Variants in SPHK2 observed in about 807,000 individuals in gnomAD.
The protein encoded by SPHK2 is sphingosine kinase 2.
Under a neutral mutation model 32.3 loss-of-function variants are expected in SPHK2, and 18 were observed. That is an observed-to-expected ratio of 0.56 (90% confidence interval 0.39 to 0.83). The LOEUF is 0.83. Ranked by LOEUF, SPHK2 falls within the 40% of genes least tolerant of loss-of-function variation. The pLI is 0.00. For missense variants in SPHK2, 850 were observed against 908.7 expected, an observed-to-expected ratio of 0.94 and a Z score of 0.83; for synonymous variants, 462 against 417.6, an observed-to-expected ratio of 1.11 and a Z score of -1.30.
At position 48,628,319 on chromosome 19, in the gene SPHK2, G is replaced by T. The variant is rs1174516535; in HGVS notation, c.872+42G>T. 5 of 1,539,324 alleles carry T rather than the reference G, an allele frequency of 3.2e-6. No individual in the cohort carries two copies. In the South Asian group the frequency reaches 5.6e-5, roughly 17 times the overall value. On this transcript the variant is annotated intron_variant, in intron 6 of 6. Transcript: ENST00000245222. This position sits in a 1 kb window ranked among gnomAD's most constrained non-coding sequence, Gnocchi z 5.2. Reference sequence around the variant, plus strand: ...ACGAAGGGAGGGATGAGCCCCTCCTGGGGTGATAGGGACCCCTATATCTCC... The same window carrying T: ...ACGAAGGGAGGGATGAGCCCCTCCTTGGGTGATAGGGACCCCTATATCTCC...
At position 48,629,365 on chromosome 19, in the gene SPHK2, G is replaced by A; in HGVS notation, c.1557G>A (p.Leu519=). 1 of 1,612,098 alleles carries A rather than the reference G, an allele frequency of 6.2e-7. No individual in the cohort carries two copies. The change falls in exon 7 of 7, where the codon CTG becomes CTA. Residue 519 remains leucine (L), a synonymous_variant. Coordinates refer to ENST00000245222, the MANE Select transcript of SPHK2 (RefSeq NM_020126.5). ...CCACCTGCGGCCCGCCCGACCACCTGCTGCCTCCGCTGGGCACCCCGCTGC... is the reference window on the plus strand; with the variant it reads ...CCACCTGCGGCCCGCCCGACCACCTACTGCCTCCGCTGGGCACCCCGCTGC... ...GASTCGPPDH[L]LPPLGTPLPP...
Position 48,629,330 on chromosome 19 carries a change from G to A in SPHK2, c.1522G>A (p.Val508Ile), listed in dbSNP as rs2030345008. 1.9e-6 allele frequency: 3 copies of A among 1,613,182 alleles called. No homozygotes were observed. Among genetic ancestry groups the A allele is most frequent in the South Asian group, 1.1e-5 (1 of 91,080 alleles). The change falls in exon 7 of 7, where the codon GTA (valine) becomes ATA (isoleucine). Residue 508 changes from valine (V) to isoleucine (I), a missense_variant. Val to Ile is a conservative substitution (Grantham distance 29, BLOSUM62 3). This residue lies in a region of SPHK2 where 306 missense variants were observed against 268.6 expected (regional missense o/e 1.14). Coordinates refer to ENST00000245222, the MANE Select transcript of SPHK2 (RefSeq NM_020126.5). The part of the protein sequence containing the change: ...GLPLPTPDAR[V>I]GASTCGPPDH... ...CCCACTTCCCACCCCTGATGCCCGG[G>A]TAGGGGCCTCCACCTGCGGCCCGCC...
Position 48,626,149 on chromosome 19 carries a change from T to A in SPHK2, c.298T>A (p.Cys100Ser). 2 of 1,601,260 alleles carry A rather than the reference T, an allele frequency of 1.2e-6. No homozygotes were observed. The highest frequency in any genetic ancestry group is 1.7e-6 in the Non-Finnish European group (2 of 1,173,860). Reference protein sequence around the residue: ...GLVPLAEVSGCCTLRSRSPSD... With the variant: ...GLVPLAEVSGSCTLRSRSPSD... ...GGTCCCGTTGGCCGAGGTCTCAGGC[T>A]GCTGCACCCTGCGAAGCCGCAGCCC... The change falls in exon 3 of 7, where the codon TGC (cysteine) becomes AGC (serine). Residue 100 changes from cysteine (C) to serine (S), a missense_variant. This residue lies in a region of SPHK2 where 544 missense variants were observed against 640.0 expected (regional missense o/e 0.85). Coordinates refer to ENST00000245222, the MANE Select transcript of SPHK2 (RefSeq NM_020126.5).
chr19:48,621,855 C>T (rs1386075872), intron 2 of SPHK2, among the ~76,000 whole-genome samples: 2 of 152,116 alleles, frequency 1.3e-5, no homozygotes, highest in African/African-American at 4.8e-5. Flanking sequence ...GTCTAGTGAC[C>T]TTGCAGCTGC....
At position 48,629,714 on chromosome 19, in the gene SPHK2, C is replaced by G. The variant is rs780912970; in HGVS notation, c.1906C>G (p.His636Asp). 6.2e-7 allele frequency: 1 copy of G among 1,609,270 alleles called. No homozygotes were observed. Among genetic ancestry groups the G allele is most frequent in the South Asian group, 1.1e-5 (1 of 90,572 alleles). ...GTATGGGCCGCTACAGGCACAGATG[C>G]ACCCTGGCATCGGTACACTGCTCAC... ...VEYGPLQAQM[H>D]PGIGTLLTGP... The change falls in exon 7 of 7, where the codon CAC becomes GAC. Residue 636 changes from histidine (H) to aspartate (D), a missense_variant. Coordinates refer to ENST00000245222, the MANE Select transcript of SPHK2 (RefSeq NM_020126.5).
In SPHK2 at chr19:48,629,899, G is replaced by T; in HGVS notation, c.*126G>T. ...GGGGCCCTGGCCCCGTCTCAGGATT[G>T]CGCTCGCTTTCATGGGACCAGACGT... On this transcript the variant is annotated 3_prime_UTR_variant, in exon 7 of 7. Coordinates refer to ENST00000245222, the MANE Select transcript of SPHK2 (RefSeq NM_020126.5). The T allele has an allele frequency of 6.9e-7, 1 of 1,440,780 alleles. No homozygotes were observed. Among genetic ancestry groups the T allele is most frequent in the African/African-American group, 1.4e-5 (1 of 69,878 alleles). 89.2% of individuals were successfully genotyped at this position (1,440,780 alleles called of 1,614,324 possible).
chr19:48,620,675 G>A (rs564521768), intron 2 of SPHK2, 122 bp downstream of exon 2: 32 of 859,964 alleles, frequency 3.7e-5, no homozygotes, highest in Non-Finnish European at 3.5e-6. Flanking sequence ...TGTAATCCCA[G>A]CACTCTGGGA....
intron 2 of SPHK2, chr19:48,620,796 C>T (rs1313862449): frequency 4.9e-6 from 2 of 408,880 alleles, no homozygotes; most frequent in South Asian, 2.8e-5. Context: ...TGGTGATGCG[C>T]ACCTGTAATC....
Position 48,629,436 on chromosome 19 carries a change from C to T in SPHK2, c.1628C>T (p.Ala543Val). The change falls in exon 7 of 7, where the codon GCC (alanine) becomes GTC (valine). Residue 543 changes from alanine to valine, a missense_variant. Physicochemically the swap from Ala to Val is moderately conservative, Grantham distance 64. Around this residue, in one of 2 missense-constraint regions of SPHK2, gnomAD observed 306 missense variants for 268.6 expected, o/e 1.14. Coordinates refer to ENST00000245222, the MANE Select transcript of SPHK2 (RefSeq NM_020126.5). Reference protein sequence around the residue: ...TLEGDFVLMLAISPSHLGADL... With the variant: ...TLEGDFVLMLVISPSHLGADL... ...GAGGGGGACTTTGTGCTCATGTTGG[C>T]CATCTCGCCCAGCCACCTAGGCGCT... The T allele has an allele frequency of 6.2e-7, 1 of 1,609,550 alleles. No homozygotes were observed.
rs1313779358 is a variant in SPHK2, at chr19:48,629,514, G to A, written c.1706G>A (p.Cys569Tyr). Residue 569 changes from cysteine to tyrosine, a missense_variant, in exon 7 of 7, where the codon TGC becomes TAC. Coordinates refer to ENST00000245222, the MANE Select transcript of SPHK2 (RefSeq NM_020126.5). ...ARFDDGLVHL[C>Y]WVRSGISRAA... ...TTCGACGACGGCCTGGTGCACCTGTGCTGGGTGCGTAGCGGCATCTCGCGG... is the reference window on the plus strand; with the variant it reads ...TTCGACGACGGCCTGGTGCACCTGTACTGGGTGCGTAGCGGCATCTCGCGG... 6.2e-7 allele frequency: 1 copy of A among 1,606,854 alleles called. No individual in the cohort carries two copies. Among genetic ancestry groups the A allele is most frequent in the Non-Finnish European group, 8.5e-7 (1 of 1,178,196 alleles).
chr19:48,625,013 G>A, intron 2 of SPHK2: 2 of 987,956 alleles, frequency 2.0e-6, no homozygotes, highest in Non-Finnish European at 2.4e-6. Context: ...GAGAGGGCCT[G>A]TGGGGAAGGG....
rs774380668 is a variant in SPHK2, at chr19:48,629,659, C to A, written c.1851C>A (p.Gly617=). The A allele has an allele frequency of 2.5e-6, 4 of 1,605,232 alleles. No homozygotes were observed. The highest frequency in any genetic ancestry group is 2.2e-5 in the South Asian group (2 of 89,864). The stretch of plus-strand genomic sequence containing the variant: ...GCCTAGAGCCGCTCACACCACGCGG[C>A]GTGCTCACAGTGGACGGGGAGCAGG... The part of the protein sequence containing the change: ...AFRLEPLTPR[G]VLTVDGEQVE... Residue 617 remains glycine, a synonymous_variant, in exon 7 of 7, where the codon GGC becomes GGA. Transcript: ENST00000245222.
At chr19:48,625,836 C>A in intron 2 of SPHK2, 55 bp from the exon 3 acceptor site, 1 of 1,579,946 alleles carries the variant, frequency 6.3e-7, no homozygotes, top group South Asian at 1.1e-5. Context: ...CTGCCCCTCC[C>A]TGCCCCTGCC....
In SPHK2 at chr19:48,627,618, G is replaced by A. The variant is rs142514604; in HGVS notation, c.512-74G>A. 36 of 1,493,264 alleles carry A rather than the reference G, an allele frequency of 2.4e-5. No individual in the cohort carries two copies. In the East Asian group the frequency reaches 7.9e-4, roughly 33 times the overall value. The allele number at this position is 1,493,264 out of a possible 1,614,324, so 92.5% of individuals were successfully genotyped here. ...CAGCCCTCCACCAATTCCGTTGGGG[G>A]CTGATGAAGGGACTGTTTCCAAGGT... On this transcript the variant is annotated intron_variant, in intron 3 of 6. Transcript: ENST00000245222.
At chr19:48,626,491 G>C in intron 3 of SPHK2, 129 bp downstream of exon 3, 1 of 1,180,714 alleles carries the variant, frequency 8.5e-7, no homozygotes, top group Non-Finnish European at 1.1e-6. Context: ...CGTTAGGAGT[G>C]ATACACAGGG....
chr19:48,620,637 T>C (rs1470248808), intron 2 of SPHK2, 84 bp downstream of exon 2: 4 of 795,462 alleles, frequency 5.0e-6, no homozygotes, highest in Non-Finnish European at 5.6e-6. Flanking sequence ...AAAAAAAAAA[T>C]TGGAGGCCAG....
At position 48,629,721 on chromosome 19, in the gene SPHK2, G is replaced by C; in HGVS notation, c.1913G>C (p.Gly638Ala). Residue 638 changes from glycine to alanine, a missense_variant, in exon 7 of 7, where the codon GGC becomes GCC. Coordinates refer to ENST00000245222, the MANE Select transcript of SPHK2 (RefSeq NM_020126.5). Reference protein sequence around the residue: ...YGPLQAQMHPGIGTLLTGPPG... With the variant: ...YGPLQAQMHPAIGTLLTGPPG... ...CCGCTACAGGCACAGATGCACCCTG[G>C]CATCGGTACACTGCTCACTGGGCCT... 2 of 1,608,616 alleles carry C rather than the reference G, an allele frequency of 1.2e-6. No individual in the cohort carries two copies. The highest frequency in any genetic ancestry group is 1.7e-6 in the Non-Finnish European group (2 of 1,177,500).
At chr19:48,620,731 C>G (rs905046634) in intron 2 of SPHK2, 178 bp downstream of exon 2, 18 of 571,766 alleles carry the variant, frequency 3.1e-5, no homozygotes, top group Non-Finnish European at 4.9e-5. Context: ...CGAGATCAGC[C>G]TGGCCAACAT....
chr19:48,626,052 C>T lies in SPHK2; in HGVS notation c.201C>T (p.Leu67=), dbSNP rs369782108. ...CAGCCCGAGGCCCACGCTTTGCCCT[C>T]ACCCTTACATCGCAGGCCCTGCACA... ...SYPARGPRFA[L]TLTSQALHIQ... The change falls in exon 3 of 7, where the codon CTC becomes CTT. Residue 67 remains leucine (L), a synonymous_variant. Coordinates refer to ENST00000245222, the MANE Select transcript of SPHK2 (RefSeq NM_020126.5). The T allele has an allele frequency of 1.2e-6, 2 of 1,613,380 alleles. No individual in the cohort carries two copies. The highest frequency in any genetic ancestry group is 1.3e-5 in the African/African-American group (1 of 74,940).
Sources: gnomAD v4.1 joint callset for allele counts (sites outside exome capture counted in the v4.1 genomes callset) on GRCh38, gnomAD v4.1.1 for gene constraint, gnomAD v4.1.1 regional missense constraint, Gnocchi (gnomAD v3.1) non-coding constraint, MANE v1.5 for transcripts, NCBI Gene and HGNC (gene_info 2026-07-23, HGNC 2026-07-21) for gene names.